The following SPTLC3 variants were observed in gnomAD, a reference collection of about 807,000 sequenced individuals.
SPTLC3 encodes serine palmitoyltransferase long chain base subunit 3, also known as serine palmitoyltransferase 3.
SPTLC3 carries 36 observed loss-of-function variants against 59.3 expected under a neutral mutation model. That is an observed-to-expected ratio of 0.61 (90% CI 0.47 to 0.80). The LOEUF (loss-of-function observed/expected upper bound fraction) is 0.80. Ranked by LOEUF, SPTLC3 falls within the 30% of genes least tolerant of loss-of-function variation. SPTLC3 has a pLI of 0.00. For synonymous variants in SPTLC3, 257 were observed against 240.8 expected, an observed-to-expected ratio of 1.07 and a Z score of -0.62; for missense variants, 625 against 685.1, an observed-to-expected ratio of 0.91 and a Z score of 0.98.
At chr20:13,162,825 C>G (rs2038919899) in intron 11 of SPTLC3, among the ~76,000 whole-genome samples, 2 of 152,148 alleles carry the variant, frequency 1.3e-5, no homozygotes, top group Admixed American at 1.3e-4. Context: ...TCATCTCAGG[C>G]ACAAGCTCAA....
At chr20:13,123,957 A>G (rs536860178) in intron 8 of SPTLC3, among the ~76,000 whole-genome samples, 2 of 151,752 alleles carry the variant, frequency 1.3e-5, no homozygotes, top group Admixed American at 1.3e-4. Context: ...GGAACATGCC[A>G]CTGTGAAGGA....
intron 6 of SPTLC3, among the ~76,000 whole-genome samples, chr20:13,105,771 A>G (rs1048405792): frequency 2.0e-5 from 3 of 152,232 alleles, no homozygotes; most frequent in Non-Finnish European, 4.4e-5. Flanking sequence ...AAGGGAAAAC[A>G]TTCTTAACAG....
chr20:13,038,060 A>ATAT (rs1390602376), intron 1 of SPTLC3, among the ~76,000 whole-genome samples: 2 of 148,702 alleles, frequency 1.3e-5, no homozygotes, highest in South Asian at 2.1e-4. Context: ...ATATATATAT[A>ATAT]ATATATCTTC....
intron 2 of SPTLC3, among the ~76,000 whole-genome samples, chr20:13,070,893 C>T (rs541092728): frequency 6.6e-6 from 1 of 152,214 alleles, no homozygotes; most frequent in South Asian, 2.1e-4. Flanking sequence ...ACTCCACATT[C>T]CCAGCATACA....
At chr20:13,146,984 G>A (rs1270424172) in intron 9 of SPTLC3, among the ~76,000 whole-genome samples, 1 of 152,172 alleles carries the variant, frequency 6.6e-6, no homozygotes, top group Non-Finnish European at 1.5e-5. Flanking sequence ...CTCACAGTAG[G>A]TGCACAAGAA....
At chr20:13,160,267 G>A in intron 11 of SPTLC3, 135 bp downstream of exon 11, 1 of 1,095,914 alleles carries the variant, frequency 9.1e-7, no homozygotes, top group Non-Finnish European at 1.2e-6. Context: ...AAAAGTCACT[G>A]CCAAAAAACA....
intron 2 of SPTLC3, among the ~76,000 whole-genome samples, chr20:13,063,870 G>C (rs1988070874): frequency 6.6e-6 from 1 of 151,898 alleles, no homozygotes; most frequent in Non-Finnish European, 1.5e-5. Context: ...TGACCAGGCT[G>C]GTTTTGAACT....
intron 7 of SPTLC3, among the ~76,000 whole-genome samples, chr20:13,115,997 T>G (rs943724929): frequency 1.3e-5 from 2 of 152,168 alleles, no homozygotes; most frequent in Non-Finnish European, 2.9e-5. Flanking sequence ...TTTAAGAACA[T>G]GTTGGAATTA....
chr20:13,167,045 G>A lies in SPTLC3; in HGVS notation c.*2178G>A, dbSNP rs1419294525. On this transcript the variant is annotated 3_prime_UTR_variant, in exon 12 of 12. Transcript: ENST00000399002. ...TAGAGAGTCCATGTTGAATATACAG[G>A]TATGAGAACAACTGTTGATATACAG... 6 of 152,108 alleles carry A rather than the reference G, an allele frequency of 3.9e-5. No individual in the cohort carries two copies. Among genetic ancestry groups the A allele is most frequent in the African/African-American group, 1.4e-4 (6 of 41,406 alleles). 9.4% of individuals were successfully genotyped at this position (152,108 alleles called of 1,614,324 possible). A position where few individuals can be genotyped will look rare whatever the true frequency, so the allele number is the denominator to read the frequency against.
intron 6 of SPTLC3, among the ~76,000 whole-genome samples, chr20:13,098,878 A>G (rs1441056584): frequency 6.6e-6 from 1 of 152,160 alleles, no homozygotes; most frequent in Non-Finnish European, 1.5e-5. Context: ...CTATCTGGGT[A>G]AATACTGCCC....
At chr20:13,105,388 C>G (rs541961336) in intron 6 of SPTLC3, among the ~76,000 whole-genome samples, 2 of 152,170 alleles carry the variant, frequency 1.3e-5, no homozygotes, top group South Asian at 2.1e-4. Context: ...TCAAACACAA[C>G]GAAGTCCCTG....
At chr20:13,037,547 A>G (rs1986788955) in intron 1 of SPTLC3, among the ~76,000 whole-genome samples, 1 of 152,140 alleles carries the variant, frequency 6.6e-6, no homozygotes, top group Admixed American at 6.5e-5. Flanking sequence ...TTCTGTAGTA[A>G]TGACAGTTGG....
chr20:13,047,426 TAA>T (rs1987279276), intron 1 of SPTLC3, among the ~76,000 whole-genome samples: 1 of 152,150 alleles, frequency 6.6e-6, no homozygotes, highest in African/African-American at 2.4e-5. Flanking sequence ...ATTAGTACCT[TAA>T]ATATTAGTAG....
In SPTLC3 at chr20:13,157,159, C is replaced by T. The variant is rs143734693; in HGVS notation, c.1416-2844C>T. On this transcript the variant is annotated intron_variant, in intron 10 of 11. Coordinates refer to ENST00000399002, the MANE Select transcript of SPTLC3 (RefSeq NM_018327.4). ...GAAAGGTCAAATTACTTTCTAAAGC[C>T]GGGTACGGTAGCTCATGCCTGTAAT... Among the ~76,000 whole-genome samples the T allele has an allele frequency of 3.4e-3, 518 of 151,804 alleles. 3 individuals are homozygous for T. The highest frequency in any genetic ancestry group is 5.7e-3 in the Non-Finnish European group (390 of 67,962).
At chr20:13,133,865 T>C (rs1333261044) in intron 9 of SPTLC3, among the ~76,000 whole-genome samples, 6 of 152,206 alleles carry the variant, frequency 3.9e-5, no homozygotes, top group Admixed American at 1.3e-4. Flanking sequence ...CTTAACATCC[T>C]TTCCCTAACA....
rs1401393889 is a variant in SPTLC3 at position 13,165,756 on chromosome 20, A to G, written c.*889A>G. The G allele has an allele frequency of 1.3e-5, 2 of 152,222 alleles. No homozygotes were observed. The highest frequency in any genetic ancestry group is 2.9e-5 in the Non-Finnish European group (2 of 68,044). The allele number at this position is 152,222 out of a possible 1,614,324, so 9.4% of individuals were successfully genotyped here. A position where few individuals can be genotyped will look rare whatever the true frequency, so the allele number is the denominator to read the frequency against. On this transcript the variant is annotated 3_prime_UTR_variant, in exon 12 of 12. Coordinates refer to ENST00000399002, the MANE Select transcript of SPTLC3 (RefSeq NM_018327.4). ...GAATTTTGAGTAAATGGTGAAATTC[A>G]GTGTCCTTTAGAATCGACTCCCAAG...
intron 5 of SPTLC3, 33 bp downstream of exon 5, chr20:13,091,240 T>C (rs756884611): frequency 4.1e-5 from 66 of 1,607,228 alleles, no homozygotes; most frequent in Non-Finnish European, 5.3e-5. Context: ...TCTTCTACTG[T>C]ATTACTCCTA....
intron 1 of SPTLC3, among the ~76,000 whole-genome samples, chr20:13,031,119 T>A (rs1467097262): frequency 6.6e-6 from 1 of 151,942 alleles, no homozygotes; most frequent in Non-Finnish European, 1.5e-5. Flanking sequence ...TACAGCTGGG[T>A]TTCAATAAAA....
chr20:13,147,396 C>T (rs1365011275), intron 9 of SPTLC3, among the ~76,000 whole-genome samples: 2 of 152,174 alleles, frequency 1.3e-5, no homozygotes, highest in Admixed American at 1.3e-4. Context: ...CGAGATCTCT[C>T]TGCCCCTGAG....
Sources: gnomAD v4.1 joint callset for allele counts (sites outside exome capture counted in the v4.1 genomes callset) on GRCh38, gnomAD v4.1.1 for gene constraint, MANE v1.5 for transcripts, NCBI Gene and HGNC (gene_info 2026-07-23, HGNC 2026-07-21) for gene names.